The following DDB1 variants were observed in gnomAD, a reference collection of about 807,000 sequenced individuals.
The protein encoded by DDB1 is damage specific DNA binding protein 1.
A neutral mutation model predicts 133.1 loss-of-function variants in DDB1; 18 were observed. That is an observed-to-expected ratio of 0.14 (90% CI 0.09 to 0.20). The LOEUF is 0.20. Among genes scored for constraint, DDB1 ranks in the 10% least tolerant of loss-of-function variants. The pLI is 1.00. For missense variants in DDB1, 828 were observed against 1,459.2 expected, an observed-to-expected ratio of 0.57 and a Z score of 7.05; for synonymous variants, 580 against 550.5, an observed-to-expected ratio of 1.05 and a Z score of -0.75.
chr11:61,303,943 G>T lies in DDB1; in HGVS notation c.2754C>A (p.Gly918=). The change falls in exon 22 of 27, where the codon GGC becomes GGA. Residue 918 remains glycine (G), a synonymous_variant. Coordinates refer to ENST00000301764, the MANE Select transcript of DDB1 (RefSeq NM_001923.5). ...TAAGGTCGCCCACCAGGATGAAGTC[G>T]CCCTTGGTCTTCAGGTAGAGGGCCA... The part of the protein sequence containing the change: ...NIMALYLKTK[G]DFILVGDLMR... 6.2e-7 allele frequency: 1 copy of T among 1,614,012 alleles called. No individual in the cohort carries two copies. Among genetic ancestry groups the T allele is most frequent in the Non-Finnish European group, 8.5e-7 (1 of 1,180,018 alleles).
At chr11:61,321,515 A>G (rs1856180586) in intron 10 of DDB1, 80 bp downstream of exon 10, 1 of 1,340,648 alleles carries the variant, frequency 7.5e-7, no homozygotes, top group African/African-American at 1.4e-5. Context: ...TCTGGCTCCC[A>G]CCAAAACGCC....
At chr11:61,322,117 G>A (rs1390453408) in intron 9 of DDB1, 179 bp downstream of exon 9, 11 of 642,826 alleles carry the variant, frequency 1.7e-5, no homozygotes, top group Non-Finnish European at 3.1e-5. Flanking sequence ...TGTATATAAA[G>A]TGCCTGGCAG....
At chr11:61,316,697 G>A (rs1179148985) in intron 10 of DDB1, 130 bp from the exon 11 acceptor site, 14 of 944,166 alleles carry the variant, frequency 1.5e-5, no homozygotes, top group Non-Finnish European at 2.4e-5. Context: ...AGAGGCAGGA[G>A]GACTGCTTGG....
intron 10 of DDB1, among the ~76,000 whole-genome samples, chr11:61,316,963 A>C (rs1856089108): frequency 3.0e-5 from 1 of 33,168 alleles, no homozygotes; most frequent in Non-Finnish European, 8.9e-5. Context: ...ATATATATAT[A>C]TATATATATA....
Position 61,332,897 on chromosome 11 carries a change from G to A in DDB1, c.61+11C>T. The A allele has an allele frequency of 6.8e-7, 1 of 1,478,614 alleles. No homozygotes were observed. 91.6% of individuals were successfully genotyped at this position (1,478,614 alleles called of 1,614,324 possible). On this transcript the variant is annotated intron_variant, in intron 1 of 26. Coordinates refer to ENST00000301764, the MANE Select transcript of DDB1 (RefSeq NM_001923.5). ...CTCACTCGCCGGGGTCTCCGGCCCCGGCAGCCTCACCGGTCACGCAGCCGT... is the reference window on the plus strand; with the variant it reads ...CTCACTCGCCGGGGTCTCCGGCCCCAGCAGCCTCACCGGTCACGCAGCCGT...
intron 1 of DDB1, 114 bp downstream of exon 1, chr11:61,332,794 T>G: frequency 2.2e-6 from 2 of 923,638 alleles, no homozygotes; most frequent in Non-Finnish European, 3.0e-6. Flanking sequence ...CGCCAGCGCC[T>G]TCCATTCGCC....
rs1202655372 is a variant in DDB1, at chr11:61,309,465, G to C, written c.2566+331C>G. ...TTGAAGCTGGAAAGAGCACCTAAATGCCTGAGCAACCAAGTGGAAAACAAA... is the reference window on the plus strand; with the variant it reads ...TTGAAGCTGGAAAGAGCACCTAAATCCCTGAGCAACCAAGTGGAAAACAAA... On this transcript the variant is annotated intron_variant, in intron 20 of 26. Coordinates refer to ENST00000301764, the MANE Select transcript of DDB1 (RefSeq NM_001923.5). Among the ~76,000 whole-genome samples the C allele has an allele frequency of 2.6e-5, 4 of 152,136 alleles. 1 individual carries two copies. The highest frequency in any genetic ancestry group is 5.9e-5 in the Non-Finnish European group (4 of 68,024).
chr11:61,321,810 C>A, intron 9 of DDB1, 113 bp from the exon 10 acceptor site: 1 of 946,854 alleles, frequency 1.1e-6, no homozygotes, highest in Non-Finnish European at 1.7e-6. Flanking sequence ...TATTGTGGGG[C>A]TAGGTTTGAG....
rs1856236206 is a variant in DDB1 at position 61,324,433 on chromosome 11, T to G, written c.763-296A>C. On this transcript the variant is annotated intron_variant, in intron 6 of 26. Transcript: ENST00000301764. ...ACAGAATAGGAAGCTGCTGCCAAAA[T>G]CTACTGAACTATGCATGCTACTACA... 7.9e-5 allele frequency: 25 copies of G among 317,772 alleles called. No homozygotes were observed. The South Asian group carries it at 9.7e-4, about 12-fold the overall frequency. 19.7% of individuals were successfully genotyped at this position (317,772 alleles called of 1,614,324 possible). A position where few individuals can be genotyped will look rare whatever the true frequency, so the allele number is the denominator to read the frequency against.
chr11:61,313,728 G>A (rs1480024579), intron 15 of DDB1, 22 bp from the exon 16 acceptor site: 4 of 1,588,226 alleles, frequency 2.5e-6, no homozygotes, highest in Non-Finnish European at 3.4e-6. Context: ...ATGACATCAG[G>A]AGAAAGGAAG....
rs1387726627 is a variant in DDB1, at chr11:61,322,312, C to T, written c.1106G>A (p.Arg369Lys). 6.2e-7 allele frequency: 1 copy of T among 1,614,144 alleles called. No homozygotes were observed. Among genetic ancestry groups the T allele is most frequent in the Non-Finnish European group, 8.5e-7 (1 of 1,180,008 alleles). Residue 369 changes from arginine to lysine, a missense_variant, in exon 9 of 27, where the codon AGG becomes AAG. By Grantham distance (26) the Arg-to-Lys change is conservative. Around this residue, in one of 7 missense-constraint regions of DDB1, gnomAD observed 35 missense variants for 123.3 expected, o/e 0.28. Transcript: ENST00000301764. Reference protein sequence around the residue: ...IVDMCVVDLERQGQGQLVTCS... With the variant: ...IVDMCVVDLEKQGQGQLVTCS... ...GGCCCTTACCTGCCCCTGCCCCTGC[C>T]TCTCCAGGTCCACCACGCACATATC...
Position 61,329,413 on chromosome 11 carries a change from C to T in DDB1, c.499G>A (p.Val167Ile). The T allele has an allele frequency of 1.2e-6, 2 of 1,614,198 alleles. No homozygotes were observed. Among genetic ancestry groups the T allele is most frequent in the Non-Finnish European group, 1.7e-6 (2 of 1,180,028 alleles). The change falls in exon 4 of 27, where the codon GTC (valine) becomes ATC (isoleucine). Residue 167 changes from valine to isoleucine, a missense_variant. Val to Ile is a conservative substitution (Grantham distance 29). This residue lies in a region of DDB1 where 210 missense variants were observed against 344.8 expected (regional missense o/e 0.61). Transcript: ENST00000301764. ...GCTTGGCAACCATATAGGAACTTGA[C>T]ATCAATGACATGCAGCTCCTCCAGG... is the stretch of plus-strand genomic sequence containing the variant. Reference protein sequence around the residue: ...IRLEELHVIDVKFLYGCQAPT... With the variant: ...IRLEELHVIDIKFLYGCQAPT...
rs749559211 is a variant in DDB1 at position 61,313,890 on chromosome 11, A to C, written c.1833T>G (p.Leu611=). 26 of 1,614,180 alleles carry C rather than the reference A, an allele frequency of 1.6e-5. No individual in the cohort carries two copies. The highest frequency in any genetic ancestry group is 1.9e-5 in the Non-Finnish European group (23 of 1,180,036). ...YLLCALGDGA[L]FYFGLNIETG... ...TCTCAATGTTGAGCCCAAAGTAGAA[A>C]AGCGCTCCATCTCCCAAGGCACAAA... is the stretch of plus-strand genomic sequence containing the variant. The change falls in exon 15 of 27, where the codon CTT becomes CTG. Residue 611 remains leucine, a synonymous_variant. Transcript: ENST00000301764.
At position 61,333,105 on chromosome 11, in the gene DDB1, C is replaced by T; in HGVS notation, c.-137G>A. ...TCCGCCCCAGAGACACGTTGCAGGC[C>T]AGAGCGGCCGGGGCGCGGGGCATCA... On this transcript the variant is annotated 5_prime_UTR_variant, in exon 1 of 27. Transcript: ENST00000301764. 1 of 772,866 alleles carries T rather than the reference C, an allele frequency of 1.3e-6. No individual in the cohort carries two copies. The highest frequency in any genetic ancestry group is 1.9e-6 in the Non-Finnish European group (1 of 540,524). 47.9% of individuals were successfully genotyped at this position (772,866 alleles called of 1,614,324 possible).
rs1856028726 is a variant in DDB1 at position 61,314,299 on chromosome 11, C to T, written c.1589+9G>A. The T allele has an allele frequency of 6.2e-7, 1 of 1,602,982 alleles. No individual in the cohort carries two copies. The highest frequency in any genetic ancestry group is 1.3e-5 in the African/African-American group (1 of 74,476). On this transcript the variant is annotated intron_variant, in intron 13 of 26. Coordinates refer to ENST00000301764, the MANE Select transcript of DDB1 (RefSeq NM_001923.5). Reference sequence around the variant, plus strand: ...GGAGGAAAGCGAGCAGACAGAAAAACACACACACCTGATCTGCCGGAGCTC... The same window carrying T: ...GGAGGAAAGCGAGCAGACAGAAAAATACACACACCTGATCTGCCGGAGCTC...
chr11:61,311,452 AAAC>A, intron 18 of DDB1: 2 of 254,708 alleles, frequency 7.9e-6, no homozygotes, highest in South Asian at 1.3e-4. Context: ...CTTAAAAAAA[AAAC>A]AAACAAACAA....
At chr11:61,315,179 T>TTC (rs1856043191) in intron 12 of DDB1, 2 of 152,196 alleles carry the variant, frequency 1.3e-5, no homozygotes, top group Non-Finnish European at 2.9e-5. Context: ...ACCTCTAAAA[T>TTC]ATCTAAGTTC....
At chr11:61,332,830 C>G in intron 1 of DDB1, 78 bp downstream of exon 1, 1 of 1,301,844 alleles carries the variant, frequency 7.7e-7, no homozygotes, top group East Asian at 3.1e-5. Flanking sequence ...CGGCCGCCCC[C>G]GGGGCGGCGG....
intron 10 of DDB1, among the ~76,000 whole-genome samples, chr11:61,317,301 G>T (rs2134919316): frequency 6.6e-6 from 1 of 151,644 alleles, no homozygotes; most frequent in South Asian, 2.1e-4. Context: ...TTTTAGTAGA[G>T]ACAGGGTTTC....
Sources: gnomAD v4.1 joint callset for allele counts (sites outside exome capture counted in the v4.1 genomes callset) on GRCh38, gnomAD v4.1.1 for gene constraint, gnomAD v4.1.1 regional missense constraint, MANE v1.5 for transcripts, NCBI Gene and HGNC (gene_info 2026-07-23, HGNC 2026-07-21) for gene names.